CYTH2: variants seen among roughly 807,000 people sequenced by gnomAD.
CYTH2 encodes cytohesin-2.
Under a neutral mutation model 55.4 loss-of-function variants are expected in CYTH2, and 24 were observed. That is an observed-to-expected ratio of 0.43 (90% CI 0.31 to 0.61). CYTH2 has a LOEUF of 0.61. CYTH2 is among the 20% of genes least tolerant of loss of function. The pLI, the probability that CYTH2 is intolerant of heterozygous loss-of-function variation, is 0.08. For synonymous variants in CYTH2, 221 were observed against 209.6 expected, an observed-to-expected ratio of 1.05 and a Z score of -0.47; for missense variants, 378 against 533.5, an observed-to-expected ratio of 0.71 and a Z score of 2.87.
chr19:48,470,974 A>G (rs1369619314), intron 3 of CYTH2, among the ~76,000 whole-genome samples: 1 of 152,144 alleles, frequency 6.6e-6, no homozygotes, highest in African/African-American at 2.4e-5. Flanking sequence ...ACAAAGTGAC[A>G]TGCACAAAGG....
intron 11 of CYTH2, 33 bp from the exon 12 acceptor site, chr19:48,479,090 G>A: frequency 6.2e-7 from 1 of 1,608,496 alleles, no homozygotes; most frequent in Non-Finnish European, 8.5e-7. Context: ...TGGACTCCTT[G>A]GCCCTCATCC....
intron 3 of CYTH2, among the ~76,000 whole-genome samples, 196 bp downstream of exon 3, chr19:48,470,865 G>C (rs1028274724): frequency 6.6e-6 from 1 of 152,112 alleles, no homozygotes; most frequent in African/African-American, 2.4e-5. Flanking sequence ...CAGCCCTCCT[G>C]ACTGTTTTGT....
chr19:48,469,403 G>A lies in CYTH2; in HGVS notation c.-105G>A. 1.6e-6 allele frequency: 2 copies of A among 1,245,768 alleles called. No individual in the cohort carries two copies. The highest frequency in any genetic ancestry group is 5.3e-5 in the South Asian group (2 of 37,762). The allele number at this position is 1,245,768 out of a possible 1,614,324, so 77.2% of individuals were successfully genotyped here. Reference sequence around the variant, plus strand: ...GACTGGCGCTGAGGAGGCGGCGGTGGCTCCCGGGGCGTTTGAGCGGGCTCA... The same window carrying A: ...GACTGGCGCTGAGGAGGCGGCGGTGACTCCCGGGGCGTTTGAGCGGGCTCA... On this transcript the variant is annotated 5_prime_UTR_variant, in exon 1 of 12. Coordinates refer to ENST00000452733, the MANE Select transcript of CYTH2 (RefSeq NM_004228.7).
At chr19:48,477,975 T>C in intron 8 of CYTH2, 94 bp from the exon 9 acceptor site, 1 of 1,010,244 alleles carries the variant, frequency 9.9e-7, no homozygotes, top group Middle Eastern at 3.0e-4. Flanking sequence ...GCCCCACCTC[T>C]ACCGCTCTTG....
chr19:48,479,276 C>T lies in CYTH2; in HGVS notation c.*66C>T. On this transcript the variant is annotated 3_prime_UTR_variant, in exon 12 of 12. Coordinates refer to ENST00000452733, the MANE Select transcript of CYTH2 (RefSeq NM_004228.7). ...CGCCTGGGTGGCCGGACCCCTGGGC[C>T]TTGGGGCTGTGGATCCTGGTTCCCT... 1 of 1,566,128 alleles carries T rather than the reference C, an allele frequency of 6.4e-7. No individual in the cohort carries two copies. The highest frequency in any genetic ancestry group is 8.8e-7 in the Non-Finnish European group (1 of 1,139,274).
At chr19:48,478,378 G>A (rs367691116) in intron 10 of CYTH2, 32 bp downstream of exon 10, 163 of 1,613,588 alleles carry the variant, frequency 1.0e-4, no homozygotes, top group Non-Finnish European at 1.3e-4. Flanking sequence ...TTCCTGCCAG[G>A]GCGGGGCCTC....
intron 4 of CYTH2, 46 bp downstream of exon 4, chr19:48,472,489 C>G (rs2287658): frequency 6.8e-7 from 1 of 1,476,104 alleles, no homozygotes; most frequent in South Asian, 1.2e-5. Context: ...CTCCCACCCC[C>G]CAGACCCAGC....
chr19:48,470,469 G>C lies in CYTH2; in HGVS notation c.136G>C (p.Glu46Gln). 1 of 1,614,100 alleles carries C rather than the reference G, an allele frequency of 6.2e-7. No homozygotes were observed. Among genetic ancestry groups the C allele is most frequent in the East Asian group, 2.2e-5 (1 of 44,876 alleles). The change falls in exon 2 of 12, where the codon GAG becomes CAG. Residue 46 changes from glutamate to glutamine, a missense_variant. By Grantham distance (29) the Glu-to-Gln change is conservative (BLOSUM62 2). Coordinates refer to ENST00000452733, the MANE Select transcript of CYTH2 (RefSeq NM_004228.7). ...LREELSEAMS[E>Q]VEGLEANEGS... ...GGAGGAGCTCAGTGAAGCCATGAGCGAGGTGGAGGGGCTGGAGGCCAATGA... is the reference window on the plus strand; with the variant it reads ...GGAGGAGCTCAGTGAAGCCATGAGCCAGGTGGAGGGGCTGGAGGCCAATGA...
At chr19:48,469,621 A>G (rs1305681267) in intron 1 of CYTH2, 95 bp downstream of exon 1, 2 of 1,340,290 alleles carry the variant, frequency 1.5e-6, no homozygotes, top group Non-Finnish European at 1.9e-6. Context: ...CGCGGCGCCC[A>G]GAAGCGTTCG....
rs181562292 is a variant in CYTH2 at position 48,475,205 on chromosome 19, C to T, written c.808+256C>T. The T allele has an allele frequency of 8.4e-6, 4 of 475,620 alleles. No homozygotes were observed. In the East Asian group the frequency reaches 1.1e-4, roughly 13 times the overall value. 29.5% of individuals were successfully genotyped at this position (475,620 alleles called of 1,614,324 possible). On this transcript the variant is annotated intron_variant, in intron 8 of 11. Transcript: ENST00000452733. ...TTGATGGAGCCCTTCTGTGCCAGGC[C>T]CTGAGCTGGGCTGAGGAGGCAGTGA...
rs1337920770 is a variant in CYTH2, at chr19:48,473,180, C to G, written c.354-118C>G. ...TGGGAGTCCAGCAGGAAACTTCACC[C>G]TCGGCAGTGGGCAGCTGTGGTGCAG... On this transcript the variant is annotated intron_variant, in intron 4 of 11. Coordinates refer to ENST00000452733, the MANE Select transcript of CYTH2 (RefSeq NM_004228.7). 5.4e-6 allele frequency: 6 copies of G among 1,114,320 alleles called. 1 individual carries two copies. Among genetic ancestry groups the G allele is most frequent in the Non-Finnish European group, 8.0e-6 (6 of 749,298 alleles). 69.0% of individuals were successfully genotyped at this position (1,114,320 alleles called of 1,614,324 possible).
chr19:48,474,809 G>A lies in CYTH2; in HGVS notation c.697-29G>A, dbSNP rs544187106. ...AACCCTGGGGGGCCCCAGGGGGCTC[G>A]AATGGCTAATGCAGCCTTTACTCCT... On this transcript the variant is annotated intron_variant, in intron 7 of 11. Coordinates refer to ENST00000452733, the MANE Select transcript of CYTH2 (RefSeq NM_004228.7). This position sits in a 1 kb window ranked among gnomAD's most constrained non-coding sequence, Gnocchi z 4.9. The A allele has an allele frequency of 2.2e-4, 353 of 1,611,252 alleles. No homozygotes were observed. Among genetic ancestry groups the A allele is most frequent in the East Asian group, 4.0e-4 (18 of 44,802 alleles).
intron 3 of CYTH2, 70 bp downstream of exon 3, chr19:48,470,739 T>G (rs1971776916): frequency 6.4e-7 from 1 of 1,561,288 alleles, no homozygotes; most frequent in East Asian, 2.2e-5. Context: ...ACCTCCGGGT[T>G]CCAGAAGCGT....
At chr19:48,478,417 C>G (rs1971966580) in intron 10 of CYTH2, 21 bp from the exon 11 acceptor site, 1 of 1,613,108 alleles carries the variant, frequency 6.2e-7, no homozygotes, top group African/African-American at 1.3e-5. Context: ...CTTACCTGCG[C>G]CCTTCCTCTC....
At chr19:48,475,795 A>G in intron 8 of CYTH2, 1 of 224,132 alleles carries the variant, frequency 4.5e-6, no homozygotes, top group South Asian at 4.1e-5. Context: ...GGGTGCTCCC[A>G]ATGCATAGTC....
Position 48,479,277 on chromosome 19 carries a change from T to A in CYTH2, c.*67T>A, listed in dbSNP as rs1346864520. ...GCCTGGGTGGCCGGACCCCTGGGCC[T>A]TGGGGCTGTGGATCCTGGTTCCCTG... On this transcript the variant is annotated 3_prime_UTR_variant, in exon 12 of 12. Transcript: ENST00000452733. 5 of 1,560,636 alleles carry A rather than the reference T, an allele frequency of 3.2e-6. No individual in the cohort carries two copies. In the Admixed American group the frequency reaches 8.5e-5, roughly 27 times the overall value.
At chr19:48,475,050 C>A in intron 8 of CYTH2, 101 bp downstream of exon 8, 1 of 1,049,740 alleles carries the variant, frequency 9.5e-7, no homozygotes, top group Non-Finnish European at 1.4e-6. Flanking sequence ...TGAACTGAGG[C>A]AAATGATTCG....
Position 48,474,823 on chromosome 19 carries a change from G to A in CYTH2, c.697-15G>A. 6.2e-7 allele frequency: 1 copy of A among 1,613,816 alleles called. No individual in the cohort carries two copies. The highest frequency in any genetic ancestry group is 8.5e-7 in the Non-Finnish European group (1 of 1,179,820). ...CCAGGGGGCTCGAATGGCTAATGCA[G>A]CCTTTACTCCTCAGAACCTGTACGA... On this transcript the variant is annotated splice_polypyrimidine_tract_variant and intron_variant, in intron 7 of 11. Coordinates refer to ENST00000452733, the MANE Select transcript of CYTH2 (RefSeq NM_004228.7). This position sits in a 1 kb window ranked among gnomAD's most constrained non-coding sequence, Gnocchi z 4.9.
chr19:48,470,141 G>A (rs1344375475), intron 1 of CYTH2: 9 of 793,330 alleles, frequency 1.1e-5, no homozygotes, highest in Admixed American at 2.1e-5. Flanking sequence ...AGGAATCCGG[G>A]CCCCAATTCC....
Sources: allele counts gnomAD v4.1 joint callset (sites outside exome capture counted in the v4.1 genomes callset), GRCh38; gene constraint gnomAD v4.1.1; non-coding constraint Gnocchi (gnomAD v3.1); transcripts MANE v1.5; gene names NCBI Gene and HGNC (gene_info 2026-07-23, HGNC 2026-07-21).